Variants in RBPMS2 observed in about 807,000 individuals in gnomAD.
RBPMS2 encodes the protein RNA binding protein, mRNA processing factor 2.
A neutral mutation model predicts 25.7 loss-of-function variants in RBPMS2; 14 were observed. The observed-to-expected ratio is 0.55, with a 90% confidence interval of 0.36 to 0.85. RBPMS2 has a LOEUF of 0.85. Among genes scored for constraint, RBPMS2 ranks in the 40% least tolerant of loss-of-function variants. RBPMS2 has a pLI of 0.01. For missense variants in RBPMS2, 252 were observed against 283.4 expected (o/e 0.89, Z 0.80); for synonymous variants, 127 against 115.6 (o/e 1.10, Z -0.63).
chr15:64,748,620 A>T, intron 5 of RBPMS2, 53 bp from the exon 6 acceptor site: 22 of 1,506,000 alleles, frequency 1.5e-5, no homozygotes, highest in Non-Finnish European at 2.0e-5. Flanking sequence ...TCCCCTTCCA[A>T]ACGGAGAAGG....
chr15:64,773,195 A>C (rs535380130), intron 1 of RBPMS2, among the ~76,000 whole-genome samples: 1 of 152,344 alleles, frequency 6.6e-6, no homozygotes, highest in South Asian at 2.1e-4. Flanking sequence ...GGGGCTGCAG[A>C]ACTGACTGCT....
chr15:64,741,942 G>A (rs1159985579), intron 6 of RBPMS2, among the ~76,000 whole-genome samples: 1 of 152,176 alleles, frequency 6.6e-6, no homozygotes, highest in Non-Finnish European at 1.5e-5. Flanking sequence ...GAGGTGGGCG[G>A]ACCACCTGAG....
At chr15:64,771,450 A>G (rs959847337) in intron 1 of RBPMS2, among the ~76,000 whole-genome samples, 2 of 152,172 alleles carry the variant, frequency 1.3e-5, no homozygotes, top group Admixed American at 6.6e-5. Context: ...TGGGAGGCCG[A>G]GCTGGATGGA....
chr15:64,756,648 C>CA lies in RBPMS2; in HGVS notation c.88-5011_88-5010insT, dbSNP rs2083733515. Among the ~76,000 whole-genome samples the CA allele has an allele frequency of 3.5e-5, 5 of 141,010 alleles. No individual in the cohort carries two copies. In the South Asian group the frequency reaches 1.1e-3, roughly 32 times the overall value. 92.5% of individuals were successfully genotyped at this position (141,010 alleles called of 152,430 possible). ...TCTTATTTTTATTTATTTTTCATTT[C>CA]TTTTTTTTTTTTTTATGGAGTCTCG... is the stretch of plus-strand genomic sequence containing the variant. On this transcript the variant is annotated intron_variant, in intron 1 of 7. Transcript: ENST00000300069.
chr15:64,766,289 A>G (rs895864827), intron 1 of RBPMS2, among the ~76,000 whole-genome samples: 8 of 151,884 alleles, frequency 5.3e-5, no homozygotes, highest in African/African-American at 7.3e-5. Flanking sequence ...GCCCTGCTGC[A>G]CTCCAGAGGC....
chr15:64,754,854 G>A (rs2083717430), intron 1 of RBPMS2, among the ~76,000 whole-genome samples: 1 of 152,286 alleles, frequency 6.6e-6, no homozygotes, highest in African/African-American at 2.4e-5. Flanking sequence ...TCACCCCAGA[G>A]GATGGGCCAA....
intron 1 of RBPMS2, among the ~76,000 whole-genome samples, chr15:64,762,185 G>C (rs2083795238): frequency 6.6e-6 from 1 of 152,180 alleles, no homozygotes; most frequent in Non-Finnish European, 1.5e-5. Context: ...GGTTGGGGTA[G>C]GTATGATGGT....
Position 64,775,430 on chromosome 15 carries a change from G to A in RBPMS2, c.-111C>T. 1 of 450,662 alleles carries A rather than the reference G, an allele frequency of 2.2e-6. No homozygotes were observed. The highest frequency in any genetic ancestry group is 3.5e-6 in the Non-Finnish European group (1 of 284,768). The allele number at this position is 450,662 out of a possible 1,614,324, so 27.9% of individuals were successfully genotyped here. ...GTGCGCTCGCGGGTGCGGAGCGGGT[G>A]GCGGGGGACCCACGGGGCAGTGAGA... On this transcript the variant is annotated 5_prime_UTR_variant, in exon 1 of 8. Transcript: ENST00000300069.
At chr15:64,756,377 T>C (rs1264010438) in intron 1 of RBPMS2, among the ~76,000 whole-genome samples, 2 of 152,022 alleles carry the variant, frequency 1.3e-5, no homozygotes, top group Non-Finnish European at 2.9e-5. Flanking sequence ...TAGCTGGGTG[T>C]GGTGGCGCAC....
chr15:64,752,574 G>T (rs542937144), intron 1 of RBPMS2, among the ~76,000 whole-genome samples: 1 of 151,988 alleles, frequency 6.6e-6, no homozygotes, highest in African/African-American at 2.4e-5. Context: ...TGAAGAACAC[G>T]CTAAGATCTT....
intron 1 of RBPMS2, among the ~76,000 whole-genome samples, chr15:64,769,950 G>A (rs1351552176): frequency 1.3e-5 from 2 of 152,186 alleles, no homozygotes. Flanking sequence ...GGAGGCCGAG[G>A]CAGGAGGATC....
intron 1 of RBPMS2, among the ~76,000 whole-genome samples, chr15:64,768,560 C>A (rs1309771129): frequency 6.6e-6 from 1 of 152,016 alleles, no homozygotes; most frequent in Non-Finnish European, 1.5e-5. Context: ...ATCACTTGAA[C>A]CCAAGAGGCA....
rs533307410 is a variant in RBPMS2 at position 64,775,342 on chromosome 15, G to A, written c.-23C>T. ...CATGGTGCGGGGGAGGGGGCGGCGG[G>A]AAGGAACGCGAGGGCGAGCGCGGCG... is the stretch of plus-strand genomic sequence containing the variant. On this transcript the variant is annotated 5_prime_UTR_variant, in exon 1 of 8. Coordinates refer to ENST00000300069, the MANE Select transcript of RBPMS2 (RefSeq NM_194272.3). The A allele has an allele frequency of 8.0e-7, 1 of 1,243,918 alleles. No individual in the cohort carries two copies. Among genetic ancestry groups the A allele is most frequent in the Non-Finnish European group, 1.0e-6 (1 of 985,782 alleles). 77.1% of individuals were successfully genotyped at this position (1,243,918 alleles called of 1,614,324 possible).
chr15:64,750,929 T>C (rs1045313686), intron 2 of RBPMS2, among the ~76,000 whole-genome samples: 4 of 151,920 alleles, frequency 2.6e-5, no homozygotes, highest in African/African-American at 9.7e-5. Context: ...TCCCAGCTAC[T>C]CGGGAGGCAG....
At chr15:64,745,857 G>A (rs780653899) in intron 6 of RBPMS2, among the ~76,000 whole-genome samples, 2 of 152,128 alleles carry the variant, frequency 1.3e-5, no homozygotes, top group Non-Finnish European at 2.9e-5. Flanking sequence ...ACTGGCAAAG[G>A]GCATGCAGCT....
At position 64,775,538 on chromosome 15, in the gene RBPMS2, T is replaced by G. The variant is rs952918291; in HGVS notation, c.-219A>C. The G allele has an allele frequency of 5.0e-5, 7 of 139,200 alleles. No individual in the cohort carries two copies. Among genetic ancestry groups the G allele is most frequent in the Non-Finnish European group, 1.0e-4 (7 of 69,808 alleles). 8.6% of individuals were successfully genotyped at this position (139,200 alleles called of 1,614,324 possible). A position where few individuals can be genotyped will look rare whatever the true frequency, so the allele number is the denominator to read the frequency against. On this transcript the variant is annotated 5_prime_UTR_variant, in exon 1 of 8. Transcript: ENST00000300069. ...GGAGGGGGTGCGGCGGGGGAGGCAG[T>G]GGGAGCCGGAGGGGCCGCCGCCTCC...
At chr15:64,744,793 GTTTTGTTTTTTTTTTTT>G (rs2083600771) in intron 6 of RBPMS2, among the ~76,000 whole-genome samples, 3 of 57,814 alleles carry the variant, frequency 5.2e-5, no homozygotes, top group African/African-American at 1.7e-4. Context: ...TTTTTGGTTT[GTTTTGTTTTTTTTTTTT>G]TTTTTTTTTT....
intron 2 of RBPMS2, among the ~76,000 whole-genome samples, chr15:64,750,786 TC>T (rs1359237218): frequency 2.0e-5 from 3 of 152,214 alleles, no homozygotes; most frequent in Non-Finnish European, 4.4e-5. Context: ...ACGTCTGTAA[TC>T]CCAGCACTTT....
At chr15:64,752,737 T>C (rs1290933037) in intron 1 of RBPMS2, among the ~76,000 whole-genome samples, 5 of 152,004 alleles carry the variant, frequency 3.3e-5, no homozygotes, top group East Asian at 1.9e-4. Flanking sequence ...CAGCCTCCCA[T>C]GTAGCTGGGA....
Sources: gnomAD v4.1 joint callset for allele counts (sites outside exome capture counted in the v4.1 genomes callset) on GRCh38, gnomAD v4.1.1 for gene constraint, MANE v1.5 for transcripts, NCBI Gene and HGNC (gene_info 2026-07-23, HGNC 2026-07-21) for gene names.